OSBPL3: variants seen among roughly 807,000 people sequenced by gnomAD.
OSBPL3 encodes the protein oxysterol-binding protein-related protein 3.
OSBPL3 carries 65 observed loss-of-function variants against 120.1 expected under a neutral mutation model. The ratio of observed to expected loss-of-function variants is 0.54; its 90% CI spans 0.44 to 0.67. The LOEUF (loss-of-function observed/expected upper bound fraction) is 0.67, where lower values mean the gene tolerates loss of function less well. Among genes scored for constraint, OSBPL3 ranks in the 30% least tolerant of loss-of-function variants. The pLI, the probability that OSBPL3 is intolerant of heterozygous loss-of-function variation, is 0.00. For missense variants in OSBPL3, 1,004 were observed against 1,082.1 expected (o/e 0.93, Z 1.01); for synonymous variants, 416 against 402.6 (o/e 1.03, Z -0.40).
At chr7:24,906,136 G>T in intron 1 of OSBPL3, 1 of 176,216 alleles carries the variant, frequency 5.7e-6, no homozygotes, top group Non-Finnish European at 1.2e-5. Context: ...TGCATAGTGA[G>T]TCATTCTGGG....
Position 24,932,479 on chromosome 7 carries a change from G to C in OSBPL3, c.-149-39858C>G, listed in dbSNP as rs1243520370. Among the ~76,000 whole-genome samples the C allele has an allele frequency of 6.6e-6, 1 of 152,156 alleles. No individual in the cohort carries two copies. The highest frequency in any genetic ancestry group is 1.5e-5 in the Non-Finnish European group (1 of 68,020). ...CCTGAAATTCATACATTAAAACCTA[G>C]TCACCAATTTGATGGCATTGGGATG... On this transcript the variant is annotated intron_variant, in intron 1 of 22. Transcript: ENST00000313367. The surrounding 1 kb of genome is among the most constrained non-coding windows in gnomAD (Gnocchi z 5.6).
At position 24,849,507 on chromosome 7, in the gene OSBPL3, C is replaced by T. The variant is rs1243111014; in HGVS notation, c.1159-331G>A. On this transcript the variant is annotated intron_variant, in intron 11 of 22. Coordinates refer to ENST00000313367, the MANE Select transcript of OSBPL3 (RefSeq NM_015550.4). The surrounding 1 kb of genome is among the most constrained non-coding windows in gnomAD (Gnocchi z 5.4). ...ACCAGTGGTTCCACAGCATCTCCTC[C>T]TCCTCCCCAACTGTCTGGAGTCTCT... Among the ~76,000 whole-genome samples the T allele has an allele frequency of 6.6e-6, 1 of 152,220 alleles. No individual in the cohort carries two copies. The highest frequency in any genetic ancestry group is 1.5e-5 in the Non-Finnish European group (1 of 68,036).
chr7:24,956,812 C>G (rs1815112527), intron 1 of OSBPL3, among the ~76,000 whole-genome samples: 1 of 152,106 alleles, frequency 6.6e-6, no homozygotes, highest in Admixed American at 6.5e-5. Context: ...TTTTTTAACT[C>G]TTTCACCCTT....
intron 1 of OSBPL3, among the ~76,000 whole-genome samples, chr7:24,915,855 G>A (rs1024598314): frequency 3.3e-5 from 5 of 152,114 alleles, no homozygotes; most frequent in African/African-American, 4.8e-5. Flanking sequence ...GATTACAGGC[G>A]TGAGCCACCA....
rs1796742169 is a variant in OSBPL3, at chr7:24,834,403, C to T, written c.1746+83G>A. 1 of 1,542,386 alleles carries T rather than the reference C, an allele frequency of 6.5e-7. No individual in the cohort carries two copies. The highest frequency in any genetic ancestry group is 8.7e-7 in the Non-Finnish European group (1 of 1,145,670). On this transcript the variant is annotated intron_variant, in intron 15 of 22. Transcript: ENST00000313367. The surrounding 1 kb of genome is among the most constrained non-coding windows in gnomAD (Gnocchi z 5.2). ...AAAATGAAACCGGAGGGAACAGGGG[C>T]TGTCTCTCTGATGGGCCCCGTGAAT...
intron 2 of OSBPL3, among the ~76,000 whole-genome samples, chr7:24,884,462 C>T (rs909488497): frequency 6.6e-6 from 1 of 152,104 alleles, no homozygotes; most frequent in Non-Finnish European, 1.5e-5. Context: ...AAGATGCTAT[C>T]GGAGAGTTTT....
chr7:24,839,784 T>C (rs552723177), intron 14 of OSBPL3, among the ~76,000 whole-genome samples: 1 of 149,678 alleles, frequency 6.7e-6, no homozygotes, highest in Non-Finnish European at 1.5e-5. Context: ...ACGTCAGGAG[T>C]TCAAGACCAG....
At chr7:24,885,689 T>C (rs904755504) in intron 2 of OSBPL3, among the ~76,000 whole-genome samples, 1 of 152,242 alleles carries the variant, frequency 6.6e-6, no homozygotes, top group Non-Finnish European at 1.5e-5. Context: ...GTGCTCTCTT[T>C]ACCACTCATA....
intron 13 of OSBPL3, among the ~76,000 whole-genome samples, chr7:24,841,207 T>G (rs1489486226): frequency 6.6e-6 from 1 of 152,168 alleles, no homozygotes; most frequent in East Asian, 1.9e-4. Context: ...TACACACTGT[T>G]AACTATAATA....
chr7:24,910,654 T>A (rs967212901), intron 1 of OSBPL3, among the ~76,000 whole-genome samples: 9 of 152,310 alleles, frequency 5.9e-5, no homozygotes, highest in Non-Finnish European at 8.8e-5. Context: ...AGATAAGATG[T>A]CACAAATGAA....
Position 24,820,264 on chromosome 7 carries a change from CA to C in OSBPL3, c.1885-27del. Reference sequence around the variant, plus strand: ...CTGATGGAAACAAAGGACAGAAAAACAAAAAATGAATGAACTTTTGTGTCTC... The same window carrying C: ...CTGATGGAAACAAAGGACAGAAAAACAAAAATGAATGAACTTTTGTGTCTC... On this transcript the variant is annotated intron_variant, in intron 16 of 22. Transcript: ENST00000313367. This position sits in a 1 kb window ranked among gnomAD's most constrained non-coding sequence, Gnocchi z 4.6. 1.3e-6 allele frequency: 2 copies of C among 1,566,266 alleles called. No homozygotes were observed. The highest frequency in any genetic ancestry group is 1.8e-6 in the Non-Finnish European group (2 of 1,140,422).
At chr7:24,909,783 CTT>C (rs10591188) in intron 1 of OSBPL3, among the ~76,000 whole-genome samples, 2,779 of 77,176 alleles carry the variant, frequency 0.036, 19 homozygotes, top group African/African-American at 0.094. Context: ...TTTTTTCTTT[CTT>C]TTTTTTTTTT....
rs115773744 is a variant in OSBPL3, at chr7:24,871,072, A to G, written c.268-227T>C. On this transcript the variant is annotated intron_variant, in intron 4 of 22. Transcript: ENST00000313367. This position sits in a 1 kb window ranked among gnomAD's most constrained non-coding sequence, Gnocchi z 4.8. ...TTTACAGATGAAGAAACTGGAGTAC[A>G]AAGGGGTTAAGTAACAAGCAGTTTA... Among the ~76,000 whole-genome samples, 875 of 152,356 alleles carry G rather than the reference A, an allele frequency of 5.7e-3. 6 individuals carry two copies. The highest frequency in any genetic ancestry group is 0.02 in the African/African-American group (824 of 41,582).
rs150670556 is a variant in OSBPL3 at position 24,869,149 on chromosome 7, C to T, written c.381+1583G>A. 5.3e-5 allele frequency among the ~76,000 whole-genome samples: 8 copies of T among 152,292 alleles called. No homozygotes were observed. The East Asian group carries it at 1.5e-3, about 29-fold the overall frequency. On this transcript the variant is annotated intron_variant, in intron 5 of 22. Coordinates refer to ENST00000313367, the MANE Select transcript of OSBPL3 (RefSeq NM_015550.4). ...TCAAAAGAATGAACAAGAAACCAAA[C>T]AGAACTTAAAGCAAATCACACAGAG...
In OSBPL3 at chr7:24,894,630, G is replaced by A. The variant is rs1166507949; in HGVS notation, c.-149-2009C>T. On this transcript the variant is annotated intron_variant, in intron 1 of 22. Transcript: ENST00000313367. This position sits in a 1 kb window ranked among gnomAD's most constrained non-coding sequence, Gnocchi z 4.1. ...CCACAGTGGATTAGGAATACCAGCGGAGTGTTTGTGTGTGTGTGTACAAGC... is the reference window on the plus strand; with the variant it reads ...CCACAGTGGATTAGGAATACCAGCGAAGTGTTTGTGTGTGTGTGTACAAGC... Among the ~76,000 whole-genome samples the A allele has an allele frequency of 6.6e-6, 1 of 152,194 alleles. No individual in the cohort carries two copies. Among genetic ancestry groups the A allele is most frequent in the Non-Finnish European group, 1.5e-5 (1 of 68,030 alleles).
rs1792500561 is a variant in OSBPL3, at chr7:24,802,552, CTTGCA to C, written c.2567+1758_2567+1762del. Reference sequence around the variant, plus strand: ...ATGACAGCATAATCACATTCTGTATCTTGCATTTACATGGTAATGTGTTTCCAGCA... The same window carrying C: ...ATGACAGCATAATCACATTCTGTATCTTTACATGGTAATGTGTTTCCAGCA... On this transcript the variant is annotated intron_variant, in intron 22 of 22. Coordinates refer to ENST00000313367, the MANE Select transcript of OSBPL3 (RefSeq NM_015550.4). This position sits in a 1 kb window ranked among gnomAD's most constrained non-coding sequence, Gnocchi z 4.1. Among the ~76,000 whole-genome samples the C allele has an allele frequency of 6.6e-6, 1 of 152,196 alleles. No individual in the cohort carries two copies. Among genetic ancestry groups the C allele is most frequent in the Admixed American group, 6.5e-5 (1 of 15,280 alleles).
intron 1 of OSBPL3, among the ~76,000 whole-genome samples, chr7:24,895,332 T>G (rs1805981170): frequency 6.6e-6 from 1 of 152,192 alleles, no homozygotes; most frequent in Non-Finnish European, 1.5e-5. Context: ...TACTGCTGCC[T>G]GCAGTATTCA....
Position 24,831,721 on chromosome 7 carries a change from A to G in OSBPL3, c.1747-816T>C, listed in dbSNP as rs1241925592. 1.3e-5 allele frequency among the ~76,000 whole-genome samples: 2 copies of G among 152,226 alleles called. No homozygotes were observed. The highest frequency in any genetic ancestry group is 2.1e-4 in the South Asian group (1 of 4,832). On this transcript the variant is annotated intron_variant, in intron 15 of 22. Transcript: ENST00000313367. This position sits in a 1 kb window ranked among gnomAD's most constrained non-coding sequence, Gnocchi z 4.0. ...TCCTTTCTAATGTCAGGTAGTAACAATCTCAAGATTTCTTCTTCCCAGCAC... is the reference window on the plus strand; with the variant it reads ...TCCTTTCTAATGTCAGGTAGTAACAGTCTCAAGATTTCTTCTTCCCAGCAC...
At chr7:24,910,454 A>T (rs1347350287) in intron 1 of OSBPL3, among the ~76,000 whole-genome samples, 2 of 152,224 alleles carry the variant, frequency 1.3e-5, no homozygotes, top group Admixed American at 6.5e-5. Flanking sequence ...CTTATGAATA[A>T]ATGTGGGCTA....
Sources: gnomAD v4.1 joint callset for allele counts (sites outside exome capture counted in the v4.1 genomes callset) on GRCh38, gnomAD v4.1.1 for gene constraint, Gnocchi (gnomAD v3.1) non-coding constraint, MANE v1.5 for transcripts, NCBI Gene and HGNC (gene_info 2026-07-23, HGNC 2026-07-21) for gene names.